Variants in PROKR1 observed in about 807,000 individuals in gnomAD.
PROKR1 encodes the protein G protein-coupled receptor 73.
Under a neutral mutation model 22.8 loss-of-function variants are expected in PROKR1, and 21 were observed. The observed-to-expected ratio is 0.92, with a 90% CI of 0.65 to 1.32. The LOEUF (loss-of-function observed/expected upper bound fraction) is 1.32. PROKR1 is among the 40% of genes most tolerant of loss of function. The pLI, the probability that PROKR1 is intolerant of heterozygous loss-of-function variation, is 0.00. For missense variants in PROKR1, 548 were observed against 514.2 expected (o/e 1.07, Z -0.64); for synonymous variants, 193 against 207.5 (o/e 0.93, Z 0.60).
In PROKR1 at chr2:68,646,323, T is replaced by A; in HGVS notation, c.485+17T>A. The stretch of plus-strand genomic sequence containing the variant: ...CATTGACAGGTGAGTGCAGCAGCAG[T>A]GGGGACAACAAAGGCGGTCAGGGAG... On this transcript the variant is annotated intron_variant, in intron 2 of 2. Coordinates refer to ENST00000303786, the MANE Select transcript of PROKR1 (RefSeq NM_138964.4). 6.2e-7 allele frequency: 1 copy of A among 1,614,058 alleles called. No homozygotes were observed. Among genetic ancestry groups the A allele is most frequent in the Non-Finnish European group, 8.5e-7 (1 of 1,179,992 alleles).
intron 2 of PROKR1, among the ~76,000 whole-genome samples, chr2:68,652,423 T>C (rs1348305025): frequency 1.3e-5 from 2 of 152,230 alleles, no homozygotes; most frequent in South Asian, 4.1e-4. Context: ...TTTGTAAATA[T>C]ATCAGGAAGG....
At chr2:68,652,146 T>C (rs576206981) in intron 2 of PROKR1, among the ~76,000 whole-genome samples, 147 of 152,314 alleles carry the variant, frequency 9.7e-4, no homozygotes, top group Admixed American at 1.9e-3. Context: ...TCTGTTGATA[T>C]CTAGTTGTAT....
Position 68,643,759 on chromosome 2 carries a change from T to G in PROKR1, c.-250T>G, listed in dbSNP as rs1673116867. On this transcript the variant is annotated 5_prime_UTR_variant, in exon 1 of 3. Coordinates refer to ENST00000303786, the MANE Select transcript of PROKR1 (RefSeq NM_138964.4). ...GAGGAAGGGAGCGGGGACCTGCCCT[T>G]CGCCTGCCGGCTTCTGGAAGAAGCG... The G allele has an allele frequency of 6.6e-6, 1 of 152,272 alleles. No individual in the cohort carries two copies. Among genetic ancestry groups the G allele is most frequent in the Non-Finnish European group, 1.5e-5 (1 of 68,072 alleles). The allele number at this position is 152,272 out of a possible 1,614,324, so 9.4% of individuals were successfully genotyped here.
rs1673494730 is a variant in PROKR1 at position 68,657,339 on chromosome 2, T to C, written c.*1763T>C. 6.6e-6 allele frequency: 1 copy of C among 152,278 alleles called. No individual in the cohort carries two copies. The highest frequency in any genetic ancestry group is 6.5e-5 in the Admixed American group (1 of 15,286). The allele number at this position is 152,278 out of a possible 1,614,324, so 9.4% of individuals were successfully genotyped here. On this transcript the variant is annotated 3_prime_UTR_variant, in exon 3 of 3. Coordinates refer to ENST00000303786, the MANE Select transcript of PROKR1 (RefSeq NM_138964.4). ...CCAGAAACCTGGCCGTCTCCACTTT[T>C]ATTTTTCTTTGTGTAAATTATTCCT...
chr2:68,657,680 C>T lies in PROKR1; in HGVS notation c.*2104C>T, dbSNP rs1410908755. 7.8e-6 allele frequency: 1 copy of T among 127,834 alleles called. No individual in the cohort carries two copies. Among genetic ancestry groups the T allele is most frequent in the East Asian group, 2.3e-4 (1 of 4,332 alleles). The allele number at this position is 127,834 out of a possible 1,614,324, so 7.9% of individuals were successfully genotyped here. A position where few individuals can be genotyped will look rare whatever the true frequency, so the allele number is the denominator to read the frequency against. ...TTTCTTATTTAACTCTAGAGCAGCG[C>T]ACTTACAAGGTTATTTAAGTGGCAC... On this transcript the variant is annotated 3_prime_UTR_variant, in exon 3 of 3. Transcript: ENST00000303786.
intron 1 of PROKR1, among the ~76,000 whole-genome samples, chr2:68,645,459 G>T (rs532294319): frequency 6.6e-6 from 1 of 152,322 alleles, no homozygotes; most frequent in East Asian, 1.9e-4. Context: ...GCCAGTGCTT[G>T]ATTGTCTCTA....
intron 2 of PROKR1, among the ~76,000 whole-genome samples, chr2:68,654,090 C>A (rs1673391937): frequency 1.3e-5 from 2 of 152,108 alleles, no homozygotes; most frequent in African/African-American, 4.8e-5. Context: ...GCATGCAAAG[C>A]AACAATTTTT....
At chr2:68,651,566 C>A (rs373790285) in intron 2 of PROKR1, among the ~76,000 whole-genome samples, 2 of 152,298 alleles carry the variant, frequency 1.3e-5, no homozygotes, top group African/African-American at 4.8e-5. Context: ...CTTGATGAAG[C>A]TAAGGCCTGA....
intron 2 of PROKR1, among the ~76,000 whole-genome samples, chr2:68,646,838 A>G (rs1443301696): frequency 6.6e-6 from 1 of 152,212 alleles, no homozygotes; most frequent in African/African-American, 2.4e-5. Flanking sequence ...ATTTGAGGCC[A>G]GGAGTTCGAG....
rs780143088 is a variant in PROKR1, at chr2:68,657,789, T to G, written c.*2213T>G. The stretch of plus-strand genomic sequence containing the variant: ...ATTTTGTATAGTTACTTTATTTCCC[T>G]GAAAGACACATTACAAAAACCTATT... On this transcript the variant is annotated 3_prime_UTR_variant, in exon 3 of 3. Coordinates refer to ENST00000303786, the MANE Select transcript of PROKR1 (RefSeq NM_138964.4). 1 of 152,228 alleles carries G rather than the reference T, an allele frequency of 6.6e-6. No homozygotes were observed. The highest frequency in any genetic ancestry group is 1.5e-5 in the Non-Finnish European group (1 of 68,026). The allele number at this position is 152,228 out of a possible 1,614,324, so 9.4% of individuals were successfully genotyped here. A position where few individuals can be genotyped will look rare whatever the true frequency, so the allele number is the denominator to read the frequency against.
chr2:68,645,726 G>C lies in PROKR1; in HGVS notation c.-96G>C. On this transcript the variant is annotated 5_prime_UTR_variant, in exon 2 of 3. Coordinates refer to ENST00000303786, the MANE Select transcript of PROKR1 (RefSeq NM_138964.4). ...GGCAGAGACATTCTGACTCATTAAG[G>C]GAGAGCTGGCTGATAGCAGAGAGGG... 2 of 1,555,132 alleles carry C rather than the reference G, an allele frequency of 1.3e-6. No individual in the cohort carries two copies. The highest frequency in any genetic ancestry group is 1.8e-6 in the Non-Finnish European group (2 of 1,130,232).
chr2:68,656,558 T>C lies in PROKR1; in HGVS notation c.*982T>C, dbSNP rs1673476163. The C allele has an allele frequency of 6.6e-6, 1 of 152,204 alleles. No individual in the cohort carries two copies. Among genetic ancestry groups the C allele is most frequent in the South Asian group, 2.1e-4 (1 of 4,824 alleles). The allele number at this position is 152,204 out of a possible 1,614,324, so 9.4% of individuals were successfully genotyped here. The stretch of plus-strand genomic sequence containing the variant: ...TCCCTTCCCTCTCACGCCTCCATGC[T>C]TGTGAAGCATAGAATCTTTGAAAAT... On this transcript the variant is annotated 3_prime_UTR_variant, in exon 3 of 3. Transcript: ENST00000303786.
intron 2 of PROKR1, among the ~76,000 whole-genome samples, chr2:68,653,305 A>G (rs1172901274): frequency 1.3e-5 from 2 of 152,004 alleles, no homozygotes; most frequent in African/African-American, 4.8e-5. Context: ...ATCCTACTTT[A>G]TTTAACATCT....
chr2:68,645,498 T>C (rs1673156208), intron 1 of PROKR1, among the ~76,000 whole-genome samples, 164 bp from the exon 2 acceptor site: 1 of 152,208 alleles, frequency 6.6e-6, no homozygotes, highest in Non-Finnish European at 1.5e-5. Context: ...TAATTGAGTA[T>C]GTGGTTTTCA....
Position 68,656,004 on chromosome 2 carries a change from T to G in PROKR1, c.*428T>G, listed in dbSNP as rs1456734811. ...TGCACTGGACTTCATGCCTAACATTTGCAAGGCTGGAGCAAGAATACGAAA... is the reference window on the plus strand; with the variant it reads ...TGCACTGGACTTCATGCCTAACATTGGCAAGGCTGGAGCAAGAATACGAAA... On this transcript the variant is annotated 3_prime_UTR_variant, in exon 3 of 3. Transcript: ENST00000303786. 1 of 268,010 alleles carries G rather than the reference T, an allele frequency of 3.7e-6. No homozygotes were observed. Among genetic ancestry groups the G allele is most frequent in the Non-Finnish European group, 7.3e-6 (1 of 137,922 alleles). 16.6% of individuals were successfully genotyped at this position (268,010 alleles called of 1,614,324 possible). A position where few individuals can be genotyped will look rare whatever the true frequency, so the allele number is the denominator to read the frequency against.
chr2:68,645,834 A>G lies in PROKR1; in HGVS notation c.13A>G (p.Met5Val). Residue 5 changes from methionine (M) to valine (V), a missense_variant, in exon 2 of 3, where the codon ATG becomes GTG. Coordinates refer to ENST00000303786, the MANE Select transcript of PROKR1 (RefSeq NM_138964.4). ...ACCACCTGGCCAGATGGAGACCACC[A>G]TGGGGTTCATGGATGACAATGCCAC... METT[M>V]GFMDDNATNT... 2 of 1,614,218 alleles carry G rather than the reference A, an allele frequency of 1.2e-6. No homozygotes were observed. The highest frequency in any genetic ancestry group is 8.5e-7 in the Non-Finnish European group (1 of 1,180,044).
At chr2:68,650,049 C>T (rs902922746) in intron 2 of PROKR1, among the ~76,000 whole-genome samples, 26 of 123,768 alleles carry the variant, frequency 2.1e-4, no homozygotes, top group African/African-American at 8.3e-4. Context: ...GGGAATATCA[C>T]ACTCTGGGGA....
rs953402705 is a variant in PROKR1 at position 68,658,066 on chromosome 2, G to T, written c.*2490G>T. 6 of 152,174 alleles carry T rather than the reference G, an allele frequency of 3.9e-5. No homozygotes were observed. The highest frequency in any genetic ancestry group is 1.4e-4 in the African/African-American group (6 of 41,436). 9.4% of individuals were successfully genotyped at this position (152,174 alleles called of 1,614,324 possible). On this transcript the variant is annotated 3_prime_UTR_variant, in exon 3 of 3. Transcript: ENST00000303786. Reference sequence around the variant, plus strand: ...TAAGAATGCTAAACAAGAGTTGATTGTATTAAACAGGAGCTTTTTATATGC... The same window carrying T: ...TAAGAATGCTAAACAAGAGTTGATTTTATTAAACAGGAGCTTTTTATATGC...
intron 2 of PROKR1, among the ~76,000 whole-genome samples, chr2:68,646,515 C>T (rs564051704): frequency 1.3e-5 from 2 of 152,278 alleles, no homozygotes; most frequent in East Asian, 1.9e-4. Flanking sequence ...GACAGCAGAG[C>T]CCTCTAGAGT....
Sources: allele counts gnomAD v4.1 joint callset (sites outside exome capture counted in the v4.1 genomes callset), GRCh38; gene constraint gnomAD v4.1.1; transcripts MANE v1.5; gene names NCBI Gene and HGNC (gene_info 2026-07-23, HGNC 2026-07-21).